The following RASGEF1A variants were observed in gnomAD, a reference collection of about 807,000 sequenced individuals.
The protein encoded by RASGEF1A is RasGEF domain family member 1A, also known as ras-GEF domain-containing family member 1A.
Under a neutral mutation model 56.4 loss-of-function variants are expected in RASGEF1A, and 18 were observed. The observed-to-expected ratio is 0.32, with a 90% confidence interval of 0.22 to 0.47. The LOEUF (loss-of-function observed/expected upper bound fraction) is 0.47, where lower values mean the gene tolerates loss of function less well. Ranked by LOEUF, RASGEF1A falls within the 20% of genes least tolerant of loss-of-function variation. RASGEF1A has a pLI of 1.00. For synonymous variants in RASGEF1A, 245 were observed against 242.6 expected, an observed-to-expected ratio of 1.01 and a Z score of -0.09; for missense variants, 422 against 627.1, an observed-to-expected ratio of 0.67 and a Z score of 3.49.
chr10:43,241,941 T>C (rs1050312035), intron 1 of RASGEF1A, among the ~76,000 whole-genome samples: 9 of 152,104 alleles, frequency 5.9e-5, no homozygotes, highest in African/African-American at 2.2e-4. Flanking sequence ...ATTGAGACCA[T>C]GCTGGCTAAC....
chr10:43,264,657 G>T (rs1236759836), intron 1 of RASGEF1A, among the ~76,000 whole-genome samples: 2 of 151,442 alleles, frequency 1.3e-5, no homozygotes, highest in Non-Finnish European at 2.9e-5. Flanking sequence ...GGAAGGGGAG[G>T]GAGGGTCCGT....
rs755227872 is a variant in RASGEF1A, at chr10:43,201,954, G to T, written c.322-9C>A. 7 of 1,601,886 alleles carry T rather than the reference G, an allele frequency of 4.4e-6. No individual in the cohort carries two copies. Among genetic ancestry groups the T allele is most frequent in the Admixed American group, 1.7e-5 (1 of 59,106 alleles). The stretch of plus-strand genomic sequence containing the variant: ...AAAGACTTCAGCTTGGCCTGGGGCA[G>T]CAGGGGATACAGAGTAAGGCCCCAC... On this transcript the variant is annotated splice_polypyrimidine_tract_variant and intron_variant, in intron 3 of 12. Transcript: ENST00000395810.
intron 1 of RASGEF1A, among the ~76,000 whole-genome samples, chr10:43,240,250 G>A (rs1447061990): frequency 2.0e-5 from 3 of 152,198 alleles, no homozygotes; most frequent in Non-Finnish European, 4.4e-5. Context: ...AGATAACTGA[G>A]CAGAGATTTC....
At chr10:43,217,193 G>A (rs541462653) in intron 1 of RASGEF1A, among the ~76,000 whole-genome samples, 59 of 152,188 alleles carry the variant, frequency 3.9e-4, no homozygotes, top group Non-Finnish European at 7.4e-4. Flanking sequence ...GGAGCGTGCT[G>A]GGACCCGACC....
chr10:43,262,250 G>C (rs550226670), intron 1 of RASGEF1A, among the ~76,000 whole-genome samples: 1 of 152,086 alleles, frequency 6.6e-6, no homozygotes, highest in Admixed American at 6.5e-5. Context: ...CCTCCTCCAC[G>C]GAAGCTACTC....
chr10:43,201,750 C>G (rs577259902), intron 4 of RASGEF1A, 58 bp downstream of exon 4: 1 of 1,456,992 alleles, frequency 6.9e-7, no homozygotes, highest in South Asian at 1.5e-5. Flanking sequence ...CCCACCCTCC[C>G]GAGGGCAGAC....
intron 1 of RASGEF1A, among the ~76,000 whole-genome samples, chr10:43,251,039 A>G (rs1398096683): frequency 2.6e-5 from 4 of 152,162 alleles, no homozygotes; most frequent in Non-Finnish European, 5.9e-5. Context: ...TCTAGGGAGC[A>G]CCTCTGAGGC....
intron 1 of RASGEF1A, among the ~76,000 whole-genome samples, chr10:43,210,544 T>C (rs1429142916): frequency 6.6e-6 from 1 of 152,170 alleles, no homozygotes; most frequent in East Asian, 1.9e-4. Context: ...TGTGGGGATT[T>C]TTCAAAGACA....
intron 1 of RASGEF1A, among the ~76,000 whole-genome samples, chr10:43,257,354 G>A (rs1173742291): frequency 2.0e-5 from 3 of 152,236 alleles, no homozygotes; most frequent in African/African-American, 7.2e-5. Flanking sequence ...CCCTCACCAG[G>A]TGGGCAGCTC....
In RASGEF1A at chr10:43,216,073, T is replaced by A. The variant is rs189789698; in HGVS notation, c.-6-9951A>T. 2.8e-3 allele frequency among the ~76,000 whole-genome samples: 427 copies of A among 152,290 alleles called. 1 individual carries two copies. The highest frequency in any genetic ancestry group is 4.8e-3 in the Non-Finnish European group (326 of 68,014). Reference sequence around the variant, plus strand: ...GCCTCACTTACTCCAAAACATGCACTGACTGATGATGTGTGTGTCGGCCTT... The same window carrying A: ...GCCTCACTTACTCCAAAACATGCACAGACTGATGATGTGTGTGTCGGCCTT... On this transcript the variant is annotated intron_variant, in intron 1 of 12. Transcript: ENST00000395810.
intron 9 of RASGEF1A, 63 bp from the exon 10 acceptor site, chr10:43,198,258 T>A: frequency 7.1e-7 from 1 of 1,412,456 alleles, no homozygotes; most frequent in Admixed American, 2.1e-5. Context: ...CTGCTCCAGA[T>A]GCCCCTCTGC....
intron 1 of RASGEF1A, chr10:43,229,653 A>G (rs1293512476): frequency 6.7e-7 from 1 of 1,491,990 alleles, no homozygotes; most frequent in Non-Finnish European, 8.9e-7. Context: ...CTCCAGGAAC[A>G]TTCTGGCCGC....
At chr10:43,220,998 A>G (rs1840200297) in intron 1 of RASGEF1A, among the ~76,000 whole-genome samples, 2 of 152,166 alleles carry the variant, frequency 1.3e-5, no homozygotes, top group African/African-American at 2.4e-5. Flanking sequence ...CCATAAATAC[A>G]AAGAAGCTGC....
intron 2 of RASGEF1A, 184 bp from the exon 3 acceptor site, chr10:43,203,604 CT>C (rs1439167536): frequency 8.1e-7 from 1 of 1,237,642 alleles, no homozygotes; most frequent in Admixed American, 3.5e-5. Context: ...TACCCCGGCC[CT>C]GCCTACCTAG....
At chr10:43,208,907 C>A in intron 1 of RASGEF1A, 4 of 985,644 alleles carry the variant, frequency 4.1e-6, no homozygotes, top group Non-Finnish European at 4.8e-6. Context: ...CTCCTTGTTC[C>A]TGGGTGCATC....
At chr10:43,200,052 T>G in intron 6 of RASGEF1A, 130 bp downstream of exon 6, 1 of 739,646 alleles carries the variant, frequency 1.4e-6, no homozygotes, top group Non-Finnish European at 2.3e-6. Context: ...GCCACATCCA[T>G]CGGGGCTCAT....
chr10:43,221,929 C>G (rs58924823), intron 1 of RASGEF1A, among the ~76,000 whole-genome samples: 1 of 152,356 alleles, frequency 6.6e-6, no homozygotes, highest in South Asian at 2.1e-4. Context: ...GTTGGCCCTT[C>G]CTGTCCGTGT....
At chr10:43,232,850 TC>T (rs1840389218) in intron 1 of RASGEF1A, among the ~76,000 whole-genome samples, 1 of 152,072 alleles carries the variant, frequency 6.6e-6, no homozygotes, top group South Asian at 2.1e-4. Context: ...CCTCTCAGAG[TC>T]CACCCTTGCT....
intron 1 of RASGEF1A, among the ~76,000 whole-genome samples, chr10:43,254,182 A>G (rs1482052618): frequency 2.6e-5 from 4 of 152,132 alleles, no homozygotes; most frequent in African/African-American, 7.2e-5. Flanking sequence ...GAAACCCTGG[A>G]GCCAGGACAC....
Sources: gnomAD v4.1 joint callset for allele counts (sites outside exome capture counted in the v4.1 genomes callset) on GRCh38, gnomAD v4.1.1 for gene constraint, MANE v1.5 for transcripts, NCBI Gene and HGNC (gene_info 2026-07-23, HGNC 2026-07-21) for gene names.